Variants in NFYA observed in about 807,000 individuals in gnomAD.
NFYA encodes nuclear transcription factor Y subunit alpha.
A neutral mutation model predicts 52.8 loss-of-function variants in NFYA; 28 were observed. The ratio of observed to expected loss-of-function variants is 0.53; its 90% CI spans 0.39 to 0.73. The LOEUF (loss-of-function observed/expected upper bound fraction) is 0.73. NFYA is among the 30% of genes least tolerant of loss of function. NFYA has a pLI of 0.00. For missense variants in NFYA, 234 were observed against 427.0 expected (o/e 0.55, Z 3.98); for synonymous variants, 150 against 150.7 (o/e 1.00, Z 0.03).
At chr6:41,092,889 G>A (rs368003989) in intron 7 of NFYA, 23 bp from the exon 8 acceptor site, 8 of 1,605,454 alleles carry the variant, frequency 5.0e-6, no homozygotes, top group Non-Finnish European at 6.0e-6. Flanking sequence ...CCACCAATAA[G>A]CTCTGGTTTC....
rs186807207 is a variant in NFYA at position 41,100,493 on chromosome 6, G to A, written c.*3083G>A. The stretch of plus-strand genomic sequence containing the variant: ...CCGATATGCCATTATCAACACACAA[G>A]AGACAAACAGCCCGAGGAAGCACTC... On this transcript the variant is annotated 3_prime_UTR_variant, in exon 10 of 10. Coordinates refer to ENST00000341376, the MANE Select transcript of NFYA (RefSeq NM_002505.5). Among the ~76,000 whole-genome samples the A allele has an allele frequency of 2.7e-3, 413 of 151,862 alleles. No homozygotes were observed. The highest frequency in any genetic ancestry group is 4.3e-3 in the Non-Finnish European group (294 of 67,844).
At position 41,087,555 on chromosome 6, in the gene NFYA, A is replaced by G. The variant is rs140636108; in HGVS notation, c.310-2024A>G. Among the ~76,000 whole-genome samples the G allele has an allele frequency of 3.8e-3, 582 of 152,322 alleles. 11 individuals carry two copies. The South Asian group carries it at 0.06, about 16-fold the overall frequency. On this transcript the variant is annotated intron_variant, in intron 4 of 9. Coordinates refer to ENST00000341376, the MANE Select transcript of NFYA (RefSeq NM_002505.5). ...ATCTATGTTGAAGCAATGCTCAAAT[A>G]AAAAAAGTTTGTTGATGGAATTAAT... is the stretch of plus-strand genomic sequence containing the variant.
chr6:41,080,962 G>A (rs1763889483), intron 3 of NFYA, 65 bp downstream of exon 3: 2 of 1,319,972 alleles, frequency 1.5e-6, no homozygotes, highest in East Asian at 4.7e-5. Context: ...GTCTGGTGCT[G>A]TTTGTGTTAG....
At chr6:41,092,287 G>C (rs1764216040) in intron 7 of NFYA, among the ~76,000 whole-genome samples, 1 of 152,234 alleles carries the variant, frequency 6.6e-6, no homozygotes, top group African/African-American at 2.4e-5. Flanking sequence ...AGCTACTTGG[G>C]AGGCTAATCC....
chr6:41,074,208 T>C (rs62396284), intron 1 of NFYA, among the ~76,000 whole-genome samples: 1 of 152,212 alleles, frequency 6.6e-6, no homozygotes, highest in Non-Finnish European at 1.5e-5. Context: ...TGATACACTT[T>C]CAAGTCCTGT....
At chr6:41,077,726 A>T (rs1290238469) in intron 1 of NFYA, among the ~76,000 whole-genome samples, 2 of 152,186 alleles carry the variant, frequency 1.3e-5, no homozygotes, top group African/African-American at 4.8e-5. Context: ...GTTGCTGATT[A>T]TATTTGCTCC....
chr6:41,082,202 A>G (rs562993845), intron 3 of NFYA, among the ~76,000 whole-genome samples: 2 of 152,270 alleles, frequency 1.3e-5, no homozygotes, highest in Admixed American at 1.3e-4. Context: ...CCTGCCACCA[A>G]TAGTGTTTGG....
At chr6:41,089,531 G>T in intron 4 of NFYA, 48 bp from the exon 5 acceptor site, 1 of 1,505,292 alleles carries the variant, frequency 6.6e-7, no homozygotes, top group South Asian at 1.3e-5. Context: ...GACCAAAGGA[G>T]ACCAGTGTCA....
intron 4 of NFYA, among the ~76,000 whole-genome samples, chr6:41,086,569 C>T (rs982997113): frequency 2.0e-5 from 3 of 152,032 alleles, no homozygotes; most frequent in Non-Finnish European, 2.9e-5. Flanking sequence ...AAGAAGACTA[C>T]TTCTTAACCT....
chr6:41,093,775 A>G (rs1487161182), intron 8 of NFYA, among the ~76,000 whole-genome samples: 1 of 152,174 alleles, frequency 6.6e-6, no homozygotes, highest in African/African-American at 2.4e-5. Context: ...CCGGCCAGGT[A>G]CCCTTTCTTT....
At position 41,087,859 on chromosome 6, in the gene NFYA, A is replaced by AT. The variant is rs544441553; in HGVS notation, c.310-1720_310-1719insT. Among the ~76,000 whole-genome samples the AT allele has an allele frequency of 1.1e-4, 17 of 152,326 alleles. 1 individual carries two copies. In the South Asian group the frequency reaches 3.5e-3, roughly 32 times the overall value. On this transcript the variant is annotated intron_variant, in intron 4 of 9. Coordinates refer to ENST00000341376, the MANE Select transcript of NFYA (RefSeq NM_002505.5). ...TCAGGTTTCTGATAACACTCCTAAT[A>AT]AAGTGGCTATAGCCATTAAAAAAAA...
At chr6:41,085,647 G>A (rs1445004385) in intron 4 of NFYA, among the ~76,000 whole-genome samples, 3 of 152,120 alleles carry the variant, frequency 2.0e-5, no homozygotes, top group Non-Finnish European at 2.9e-5. Flanking sequence ...AAGCAGCCAT[G>A]ATCCCACTGC....
At chr6:41,096,438 CTT>C (rs1281173951) in intron 9 of NFYA, among the ~76,000 whole-genome samples, 3 of 152,180 alleles carry the variant, frequency 2.0e-5, no homozygotes, top group East Asian at 3.8e-4. Flanking sequence ...AATTCAGCCT[CTT>C]TTATTTTTAT....
chr6:41,087,429 C>G (rs1319806426), intron 4 of NFYA, among the ~76,000 whole-genome samples: 1 of 152,146 alleles, frequency 6.6e-6, no homozygotes, highest in South Asian at 2.1e-4. Flanking sequence ...TAGGCATGTT[C>G]TTCTTTCCAG....
chr6:41,099,397 G>C lies in NFYA; in HGVS notation c.*1987G>C, dbSNP rs1221530768. Reference sequence around the variant, plus strand: ...TAGAAGATGCTATTTATTTGTGTCTGTAAGTTTGTACATAGTAATGCCAGC... The same window carrying C: ...TAGAAGATGCTATTTATTTGTGTCTCTAAGTTTGTACATAGTAATGCCAGC... On this transcript the variant is annotated 3_prime_UTR_variant, in exon 10 of 10. Transcript: ENST00000341376. The C allele has an allele frequency of 6.6e-6, 1 of 152,246 alleles. No individual in the cohort carries two copies. Among genetic ancestry groups the C allele is most frequent in the Non-Finnish European group, 1.5e-5 (1 of 68,038 alleles). The allele number at this position is 152,246 out of a possible 1,614,324, so 9.4% of individuals were successfully genotyped here.
At chr6:41,096,483 C>A (rs1355277597) in intron 9 of NFYA, among the ~76,000 whole-genome samples, 1 of 152,194 alleles carries the variant, frequency 6.6e-6, no homozygotes, top group Non-Finnish European at 1.5e-5. Flanking sequence ...TACTTCACAG[C>A]AATGTTGTAG....
Position 41,072,983 on chromosome 6 carries a change from C to G in NFYA, c.-163C>G, listed in dbSNP as rs905748766. 6.5e-6 allele frequency: 1 copy of G among 154,878 alleles called. No individual in the cohort carries two copies. Among genetic ancestry groups the G allele is most frequent in the African/African-American group, 2.4e-5 (1 of 41,498 alleles). The allele number at this position is 154,878 out of a possible 1,614,324, so 9.6% of individuals were successfully genotyped here. On this transcript the variant is annotated 5_prime_UTR_variant, in exon 1 of 10. Transcript: ENST00000341376. ...TCGGGTTCGCCATTTTGCTAGGCAG[C>G]GGCAGTGGCGGCGGCAGCGGCGGCT...
chr6:41,093,040 C>T lies in NFYA; in HGVS notation c.843C>T (p.Ala281=). The T allele has an allele frequency of 6.2e-7, 1 of 1,613,926 alleles. No individual in the cohort carries two copies. Among genetic ancestry groups the T allele is most frequent in the Non-Finnish European group, 8.5e-7 (1 of 1,179,940 alleles). The stretch of plus-strand genomic sequence containing the variant: ...ACCGTATTCTTAAGAGGAGGCAAGC[C>T]CGAGCTAAACTAGAGGCAGAAGGGA... ...QYHRILKRRQ[A]RAKLEAEGKI... The change falls in exon 8 of 10, where the codon GCC becomes GCT. Residue 281 remains alanine, a synonymous_variant. Coordinates refer to ENST00000341376, the MANE Select transcript of NFYA (RefSeq NM_002505.5).
chr6:41,093,429 G>C (rs1342341560), intron 8 of NFYA, among the ~76,000 whole-genome samples: 3 of 151,918 alleles, frequency 2.0e-5, no homozygotes, highest in Non-Finnish European at 2.9e-5. Flanking sequence ...TTCCTGCTTA[G>C]GCTCCAGCCT....
Sources: allele counts gnomAD v4.1 joint callset (sites outside exome capture counted in the v4.1 genomes callset), GRCh38; gene constraint gnomAD v4.1.1; transcripts MANE v1.5; gene names NCBI Gene and HGNC (gene_info 2026-07-23, HGNC 2026-07-21).